The following GRIK4 variants were observed in gnomAD, a reference collection of about 807,000 sequenced individuals.
GRIK4 encodes glutamate ionotropic receptor kainate type subunit 4, also known as glutamate receptor ionotropic, kainate 4.
In GRIK4, 40 loss-of-function variants were observed where a neutral mutation model predicts 104.9. The ratio of observed to expected loss-of-function variants is 0.38; its 90% CI spans 0.30 to 0.50. GRIK4 has a LOEUF of 0.50. GRIK4 is among the 20% of genes least tolerant of loss of function. GRIK4 has a pLI of 0.93. For synonymous variants in GRIK4, 485 were observed against 524.9 expected, an observed-to-expected ratio of 0.92 and a Z score of 1.04; for missense variants, 1,047 against 1,308.1, an observed-to-expected ratio of 0.80 and a Z score of 3.08.
At chr11:120,595,502 C>T in intron 1 of GRIK4, among the ~76,000 whole-genome samples, 1 of 152,192 alleles carries the variant, frequency 6.6e-6, no homozygotes, top group East Asian at 1.9e-4. Flanking sequence ...GTGCTCACCA[C>T]CTGTTTACTG....
chr11:120,823,734 T>C (rs1323431068), intron 6 of GRIK4, among the ~76,000 whole-genome samples: 6 of 152,080 alleles, frequency 3.9e-5, no homozygotes, highest in African/African-American at 1.2e-4. Flanking sequence ...CGAGCAGGGG[T>C]GCAGGACAGC....
At chr11:120,626,974 C>T (rs78748734) in intron 1 of GRIK4, among the ~76,000 whole-genome samples, 2,528 of 152,338 alleles carry the variant, frequency 0.017, 70 homozygotes, top group African/African-American at 0.059. Context: ...TATGTGCCAA[C>T]TGACTCCACG....
chr11:120,584,889 TC>T (rs1322460105), intron 1 of GRIK4, among the ~76,000 whole-genome samples: 22 of 152,368 alleles, frequency 1.4e-4, no homozygotes, highest in African/African-American at 5.1e-4. Context: ...CAACCTTGCA[TC>T]CCAGGGATAA....
intron 1 of GRIK4, among the ~76,000 whole-genome samples, chr11:120,515,879 G>A (rs376673664): frequency 3.3e-4 from 50 of 152,256 alleles, no homozygotes; most frequent in African/African-American, 1.2e-3. Context: ...TATTGACTGC[G>A]TACTCCGTTT....
At chr11:120,655,764 G>C (rs1949697982) in intron 2 of GRIK4, among the ~76,000 whole-genome samples, 1 of 152,142 alleles carries the variant, frequency 6.6e-6, no homozygotes, top group Non-Finnish European at 1.5e-5. Flanking sequence ...AGAAATCTAG[G>C]GTAACTCTCA....
chr11:120,668,118 G>A (rs772463574), intron 3 of GRIK4, among the ~76,000 whole-genome samples: 1 of 150,080 alleles, frequency 6.7e-6, no homozygotes, highest in African/African-American at 2.4e-5. Flanking sequence ...TAGATAGATA[G>A]ATAGATAGAT....
intron 3 of GRIK4, among the ~76,000 whole-genome samples, chr11:120,710,418 AG>A (rs1295724572): frequency 6.6e-6 from 1 of 152,300 alleles, no homozygotes; most frequent in African/African-American, 2.4e-5. Context: ...GGTGGACCCC[AG>A]GGGTGGCTCT....
chr11:120,782,584 C>T (rs1039206332), intron 3 of GRIK4, among the ~76,000 whole-genome samples: 3 of 151,972 alleles, frequency 2.0e-5, no homozygotes, highest in Non-Finnish European at 4.4e-5. Flanking sequence ...CGCGCCTGGC[C>T]GCCAGTATGA....
chr11:120,778,639 G>A (rs749840827), intron 3 of GRIK4, among the ~76,000 whole-genome samples: 7 of 151,768 alleles, frequency 4.6e-5, no homozygotes, highest in Non-Finnish European at 1.0e-4. Flanking sequence ...CTAACATTTG[G>A]TAGATTACCC....
At chr11:120,709,000 T>C (rs1950677805) in intron 3 of GRIK4, among the ~76,000 whole-genome samples, 1 of 152,050 alleles carries the variant, frequency 6.6e-6, no homozygotes, top group Non-Finnish European at 1.5e-5. Flanking sequence ...ACCCAAGAGC[T>C]TGGGGACAAA....
chr11:120,924,306 C>T lies in GRIK4; in HGVS notation c.1477-16041C>T, dbSNP rs575453030. Among the ~76,000 whole-genome samples, 14 of 152,234 alleles carry T rather than the reference C, an allele frequency of 9.2e-5. No individual in the cohort carries two copies. In the South Asian group the frequency reaches 1.9e-3, roughly 20 times the overall value. ...TGTGTGAGGTCACCGCTGTAGCAGT[C>T]GGTACCGTGGCAGCAGCCCTGGCTC... is the stretch of plus-strand genomic sequence containing the variant. On this transcript the variant is annotated intron_variant, in intron 13 of 20. Transcript: ENST00000527524.
chr11:120,620,281 T>C (rs1004801182), intron 1 of GRIK4: 6 of 722,458 alleles, frequency 8.3e-6, no homozygotes, highest in Non-Finnish European at 1.3e-5. Flanking sequence ...TTTGTTCTTA[T>C]GAAATTCTAC....
Position 120,547,953 on chromosome 11 carries a change from G to A in GRIK4, c.-159+36066G>A, listed in dbSNP as rs1367188511. ...CTGCTGGGTACCTGCCAGGGTGGGC[G>A]GAGCTGCCCGGCCTGTGACTCAGAG... On this transcript the variant is annotated intron_variant, in intron 1 of 20. Coordinates refer to ENST00000527524, the MANE Select transcript of GRIK4 (RefSeq NM_014619.5). 3.3e-5 allele frequency among the ~76,000 whole-genome samples: 5 copies of A among 152,180 alleles called. No homozygotes were observed. The East Asian group carries it at 5.8e-4, about 18-fold the overall frequency.
At chr11:120,825,373 C>G (rs1326990137) in intron 6 of GRIK4, among the ~76,000 whole-genome samples, 2 of 152,214 alleles carry the variant, frequency 1.3e-5, no homozygotes, top group African/African-American at 4.8e-5. Flanking sequence ...AAACCTCGCT[C>G]CCGGGATGGC....
At chr11:120,691,678 C>G (rs1950366655) in intron 3 of GRIK4, among the ~76,000 whole-genome samples, 1 of 152,174 alleles carries the variant, frequency 6.6e-6, no homozygotes, top group Admixed American at 6.5e-5. Flanking sequence ...CCCCATTGAA[C>G]CCAGGTCCTG....
At chr11:120,617,177 G>C (rs115540542) in intron 1 of GRIK4, among the ~76,000 whole-genome samples, 1 of 152,172 alleles carries the variant, frequency 6.6e-6, no homozygotes, top group Non-Finnish European at 1.5e-5. Context: ...TCTCGCAAGA[G>C]GTTACGGTTA....
At chr11:120,948,097 T>C (rs1307693175) in intron 14 of GRIK4, among the ~76,000 whole-genome samples, 1 of 152,128 alleles carries the variant, frequency 6.6e-6, no homozygotes, top group Non-Finnish European at 1.5e-5. Context: ...AGGGAAGCCA[T>C]CCATGGGATC....
Position 120,841,827 on chromosome 11 carries a change from C to T in GRIK4, c.744+4983C>T, listed in dbSNP as rs1447159345. 5.9e-5 allele frequency among the ~76,000 whole-genome samples: 9 copies of T among 152,142 alleles called. No individual in the cohort carries two copies. In the South Asian group the frequency reaches 1.0e-3, roughly 18 times the overall value. ...GCCATCTCGATGGGTGTCAAGTAGTCAGATGTGTTTTTTATTTCTATTTGA... is the reference window on the plus strand; with the variant it reads ...GCCATCTCGATGGGTGTCAAGTAGTTAGATGTGTTTTTTATTTCTATTTGA... On this transcript the variant is annotated intron_variant, in intron 8 of 20. Transcript: ENST00000527524.
At chr11:120,748,888 C>T (rs1951495489) in intron 3 of GRIK4, among the ~76,000 whole-genome samples, 1 of 152,218 alleles carries the variant, frequency 6.6e-6, no homozygotes. Context: ...CCTGTTGTTC[C>T]TGGGTAGCTT....
Sources: allele counts gnomAD v4.1 joint callset (sites outside exome capture counted in the v4.1 genomes callset), GRCh38; gene constraint gnomAD v4.1.1; transcripts MANE v1.5; gene names NCBI Gene and HGNC (gene_info 2026-07-23, HGNC 2026-07-21).